The following AKR1C3 variants were observed in gnomAD, a reference collection of about 807,000 sequenced individuals.
AKR1C3 encodes 3-alpha hydroxysteroid dehydrogenase, type II.
A neutral mutation model predicts 43.6 loss-of-function variants in AKR1C3; 48 were observed. That is an observed-to-expected ratio of 1.10 (90% CI 0.87 to 1.40). The LOEUF (loss-of-function observed/expected upper bound fraction) is 1.40. Among genes scored for constraint, AKR1C3 ranks in the 40% most tolerant of loss-of-function variants. AKR1C3 has a pLI of 0.00. For synonymous variants in AKR1C3, 162 were observed against 139.6 expected (o/e 1.16, Z -1.13); for missense variants, 482 against 391.2 (o/e 1.23, Z -1.96).
rs781814021 is a variant in AKR1C3 at position 5,105,642 on chromosome 10, C to T, written c.894C>T (p.Gly298=). ...CAGAGGACATGAAAGCCATAGATGG[C>T]CTAGACAGAAATCTCCACTATTTTA... ...LTAEDMKAID[G]LDRNLHYFNS... is the part of the protein sequence containing the mutation. The change falls in exon 8 of 9, where the codon GGC becomes GGT. Residue 298 remains glycine (G), a synonymous_variant. Coordinates refer to ENST00000380554, the MANE Select transcript of AKR1C3 (RefSeq NM_003739.6). 6.2e-7 allele frequency: 1 copy of T among 1,613,762 alleles called. No individual in the cohort carries two copies. The highest frequency in any genetic ancestry group is 1.3e-5 in the African/African-American group (1 of 74,906).
chr10:5,064,317 T>C (rs1283530626), intron 1 of AKR1C3, among the ~76,000 whole-genome samples: 23 of 152,126 alleles, frequency 1.5e-4, no homozygotes, highest in African/African-American at 5.3e-4. Context: ...CTGTGATGAC[T>C]AGCTAGCCAT....
At chr10:5,085,813 T>G (rs550312594) in intron 1 of AKR1C3, among the ~76,000 whole-genome samples, 1 of 151,918 alleles carries the variant, frequency 6.6e-6, no homozygotes, top group South Asian at 2.1e-4. Flanking sequence ...GGAGGATGTA[T>G]GTGTCAAGGA....
At chr10:5,054,152 C>T (rs554968631) in intron 1 of AKR1C3, among the ~76,000 whole-genome samples, 14 of 152,034 alleles carry the variant, frequency 9.2e-5, no homozygotes, top group Non-Finnish European at 1.6e-4. Flanking sequence ...GTGCAGAGTC[C>T]TCCTTTCTCA....
intron 1 of AKR1C3, among the ~76,000 whole-genome samples, chr10:5,085,288 G>T (rs1195671089): frequency 6.6e-6 from 1 of 151,530 alleles, no homozygotes; most frequent in Non-Finnish European, 1.5e-5. Flanking sequence ...AGCATGAAGC[G>T]TTGTTGAATT....
At chr10:5,080,475 T>G (rs1271037386) in intron 1 of AKR1C3, among the ~76,000 whole-genome samples, 1 of 151,988 alleles carries the variant, frequency 6.6e-6, no homozygotes, top group Non-Finnish European at 1.5e-5. Context: ...AATACAAAAA[T>G]TAGCTGGGCA....
intron 7 of AKR1C3, among the ~76,000 whole-genome samples, chr10:5,104,495 C>A (rs1281934944): frequency 6.6e-6 from 1 of 152,078 alleles, no homozygotes; most frequent in African/African-American, 2.4e-5. Context: ...AATGAAAGGT[C>A]TTGCTACCAG....
upstream of AKR1C3, chr10:5,048,806 A>G (rs1588325650): frequency 1.2e-6 from 2 of 1,613,292 alleles, no homozygotes; most frequent in Non-Finnish European, 1.7e-6. Flanking sequence ...CAGCTGAGTG[A>G]CAGTGATGGA....
At chr10:5,068,720 G>A (rs1290200193) in intron 1 of AKR1C3, among the ~76,000 whole-genome samples, 4 of 152,114 alleles carry the variant, frequency 2.6e-5, no homozygotes, top group Non-Finnish European at 2.9e-5. Context: ...AGGGACTCAG[G>A]GGGATCTTCA....
chr10:5,086,130 T>C (rs1397717722), intron 1 of AKR1C3, among the ~76,000 whole-genome samples: 1 of 151,868 alleles, frequency 6.6e-6, no homozygotes, highest in African/African-American at 2.4e-5. Context: ...TTTGAATATG[T>C]TTGCTCTTGC....
upstream of AKR1C3, among the ~76,000 whole-genome samples, chr10:5,091,976 G>A (rs1301632372): frequency 6.6e-6 from 1 of 152,002 alleles, no homozygotes; most frequent in Non-Finnish European, 1.5e-5. Context: ...TTCTTGCAAA[G>A]CAGATCTAAT....
intron 4 of AKR1C3, 145 bp downstream of exon 4, chr10:5,099,024 A>G: frequency 2.3e-6 from 2 of 851,628 alleles, no homozygotes; most frequent in South Asian, 1.9e-5. Context: ...AGATGAAGGG[A>G]AAAACACAAA....
At chr10:5,089,620 CT>C (rs1554783836), upstream of AKR1C3, among the ~76,000 whole-genome samples, 1 of 151,908 alleles carries the variant, frequency 6.6e-6, no homozygotes, top group Non-Finnish European at 1.5e-5. Flanking sequence ...ATAAGTATAT[CT>C]TTTTTTCTTT....
At chr10:5,104,885 G>T (rs1839459853) in intron 7 of AKR1C3, among the ~76,000 whole-genome samples, 1 of 152,094 alleles carries the variant, frequency 6.6e-6, no homozygotes. Context: ...AATGTTAAAA[G>T]AAAAATGTAA....
At chr10:5,074,110 T>G (rs1433525734) in intron 1 of AKR1C3, among the ~76,000 whole-genome samples, 1 of 152,060 alleles carries the variant, frequency 6.6e-6, no homozygotes, top group African/African-American at 2.4e-5. Flanking sequence ...GGAAGCCCCC[T>G]CCCCACTTCA....
chr10:5,091,967 T>C (rs544650202), upstream of AKR1C3, among the ~76,000 whole-genome samples: 2 of 152,284 alleles, frequency 1.3e-5, no homozygotes, highest in East Asian at 3.9e-4. Context: ...CTTTACCATT[T>C]CTTGCAAAGC....
At chr10:5,100,410 CTGCTACTTCTCTT>C (rs1449292177) in intron 5 of AKR1C3, among the ~76,000 whole-genome samples, 1 of 152,192 alleles carries the variant, frequency 6.6e-6, no homozygotes, top group Non-Finnish European at 1.5e-5. Context: ...ATGTCTTAGT[CTGCTACTTCTCTT>C]TGGGGTCTGT....
At chr10:5,068,401 A>AT (rs1254608386) in intron 1 of AKR1C3, among the ~76,000 whole-genome samples, 1 of 152,034 alleles carries the variant, frequency 6.6e-6, no homozygotes, top group African/African-American at 2.4e-5. Flanking sequence ...AGAAAAGACA[A>AT]TTTTGAAACT....
chr10:5,107,497 A>C lies in AKR1C3; in HGVS notation c.966A>C (p.Glu322Asp), dbSNP rs781943464. The C allele has an allele frequency of 6.3e-7, 1 of 1,588,918 alleles. No individual in the cohort carries two copies. The change falls in exon 9 of 9, where the codon GAA (glutamate) becomes GAC (aspartate). Residue 322 changes from glutamate (E) to aspartate (D), a missense_variant. By Grantham distance (45) the Glu-to-Asp change is conservative. Transcript: ENST00000380554. Reference protein sequence around the residue: ...ASHPNYPYSDEY With the variant: ...ASHPNYPYSDDY Reference sequence around the variant, plus strand: ...ACCCTAATTATCCATATTCAGATGAATATTAACATGGAGGGCTTTGCCTGA... The same window carrying C: ...ACCCTAATTATCCATATTCAGATGACTATTAACATGGAGGGCTTTGCCTGA...
intron 1 of AKR1C3, among the ~76,000 whole-genome samples, chr10:5,049,389 A>G (rs1838105436): frequency 6.6e-6 from 1 of 152,198 alleles, no homozygotes; most frequent in African/African-American, 2.4e-5. Flanking sequence ...ACATGGTAAT[A>G]CTGGACCTGG....
Sources: allele counts gnomAD v4.1 joint callset (sites outside exome capture counted in the v4.1 genomes callset), GRCh38; gene constraint gnomAD v4.1.1; transcripts MANE v1.5; gene names NCBI Gene and HGNC (gene_info 2026-07-23, HGNC 2026-07-21).